The following SGCZ variants were observed in gnomAD, a reference collection of about 807,000 sequenced individuals.
SGCZ encodes the protein zeta-sarcoglycan.
SGCZ carries 40 observed loss-of-function variants against 41.3 expected under a neutral mutation model. The ratio of observed to expected loss-of-function variants is 0.97; its 90% CI spans 0.75 to 1.26. SGCZ has a LOEUF of 1.26. Ranked by LOEUF, SGCZ falls within the 50% of genes most tolerant of loss-of-function variation. SGCZ has a pLI of 0.00. For missense variants in SGCZ, 552 were observed against 369.8 expected (o/e 1.49, Z -4.04); for synonymous variants, 206 against 137.5 (o/e 1.50, Z -3.49).
At chr8:14,517,422 T>G (rs1802655080) in intron 2 of SGCZ, among the ~76,000 whole-genome samples, 1 of 152,086 alleles carries the variant, frequency 6.6e-6, no homozygotes, top group African/African-American at 2.4e-5. Flanking sequence ...CATAATAATT[T>G]AAGTCCATAT....
intron 1 of SGCZ, among the ~76,000 whole-genome samples, chr8:15,220,905 T>C (rs1358792437): frequency 1.3e-5 from 2 of 151,918 alleles, no homozygotes; most frequent in African/African-American, 4.8e-5. Flanking sequence ...GAGCAAACTA[T>C]CACAAGTACA....
chr8:14,478,023 G>A (rs960686440), intron 2 of SGCZ, among the ~76,000 whole-genome samples: 1 of 152,210 alleles, frequency 6.6e-6, no homozygotes, highest in African/African-American at 2.4e-5. Flanking sequence ...GAAGGAACCT[G>A]ATGAATATGA....
chr8:14,482,299 C>T (rs1385990030), intron 2 of SGCZ, among the ~76,000 whole-genome samples: 2 of 152,170 alleles, frequency 1.3e-5, no homozygotes, highest in Non-Finnish European at 2.9e-5. Context: ...GCAACACTTT[C>T]TACCTTTTAC....
intron 2 of SGCZ, among the ~76,000 whole-genome samples, chr8:14,468,590 A>C (rs946568662): frequency 1.3e-5 from 2 of 152,078 alleles, no homozygotes; most frequent in Non-Finnish European, 2.9e-5. Context: ...TAATTGACTT[A>C]ACGTATTTAA....
At chr8:14,782,729 A>G (rs1800628852) in intron 1 of SGCZ, among the ~76,000 whole-genome samples, 1 of 150,778 alleles carries the variant, frequency 6.6e-6, no homozygotes, top group African/African-American at 2.4e-5. Flanking sequence ...ACAAACAAGG[A>G]ACCTTATACT....
intron 3 of SGCZ, among the ~76,000 whole-genome samples, chr8:14,303,131 T>C (rs531236192): frequency 6.6e-6 from 1 of 152,206 alleles, no homozygotes; most frequent in African/African-American, 2.4e-5. Flanking sequence ...ATGTCATAAA[T>C]ATAAAAGAAA....
intron 2 of SGCZ, among the ~76,000 whole-genome samples, chr8:14,511,087 T>C (rs918036934): frequency 7.9e-5 from 12 of 152,000 alleles, no homozygotes; most frequent in Admixed American, 7.9e-4. Flanking sequence ...GAATTTAGGA[T>C]GAATTATGTG....
chr8:15,108,303 T>C, intron 1 of SGCZ, among the ~76,000 whole-genome samples: 1 of 152,172 alleles, frequency 6.6e-6, no homozygotes, highest in Non-Finnish European at 1.5e-5. Flanking sequence ...CAGAAAGTGA[T>C]TAAATTTTTA....
intron 2 of SGCZ, among the ~76,000 whole-genome samples, chr8:14,551,056 C>G (rs2614936): frequency 0.68 from 102,120 of 151,002 alleles, 35,456 homozygotes; most frequent in Non-Finnish European, 0.76. Context: ...CTCTTTAACT[C>G]ACAGCATTAA....
intron 1 of SGCZ, among the ~76,000 whole-genome samples, chr8:15,173,141 C>G (rs1041155530): frequency 6.6e-6 from 1 of 152,214 alleles, no homozygotes; most frequent in Non-Finnish European, 1.5e-5. Context: ...AGGCTTGCCA[C>G]TGTAAGCCTG....
At chr8:14,427,050 GAAT>G in intron 2 of SGCZ, among the ~76,000 whole-genome samples, 1 of 143,180 alleles carries the variant, frequency 7.0e-6, no homozygotes, top group African/African-American at 2.5e-5. Flanking sequence ...ATGAATGAAT[GAAT>G]GAATGAATGA....
intron 1 of SGCZ, among the ~76,000 whole-genome samples, chr8:15,193,497 T>C (rs752451562): frequency 3.9e-5 from 6 of 152,034 alleles, no homozygotes; most frequent in Non-Finnish European, 8.8e-5. Flanking sequence ...CAAATGGTAC[T>C]TTGGAGATGA....
At chr8:14,853,774 A>T (rs1447452374) in intron 1 of SGCZ, among the ~76,000 whole-genome samples, 3 of 151,908 alleles carry the variant, frequency 2.0e-5, no homozygotes, top group African/African-American at 7.3e-5. Context: ...AGAAAAATAA[A>T]CAAGGCTTTT....
At chr8:14,914,866 A>C (rs75198855) in intron 1 of SGCZ, among the ~76,000 whole-genome samples, 4,033 of 152,260 alleles carry the variant, frequency 0.026, 72 homozygotes, top group Non-Finnish European at 0.043. Context: ...ACGATGTAGA[A>C]GAGTTTGCTC....
At chr8:14,310,973 G>A (rs1304892385) in intron 3 of SGCZ, among the ~76,000 whole-genome samples, 1 of 151,984 alleles carries the variant, frequency 6.6e-6, no homozygotes, top group Admixed American at 6.6e-5. Context: ...CACACTTAAG[G>A]GTATGCTTTT....
chr8:14,552,912 T>A (rs565961948), intron 2 of SGCZ, among the ~76,000 whole-genome samples: 3 of 152,212 alleles, frequency 2.0e-5, no homozygotes, highest in Middle Eastern at 3.4e-3. Flanking sequence ...GTGAGAGAGC[T>A]TGTCGCATCA....
At chr8:15,002,218 T>C (rs1056679153) in intron 1 of SGCZ, among the ~76,000 whole-genome samples, 1 of 146,738 alleles carries the variant, frequency 6.8e-6, no homozygotes, top group Non-Finnish European at 1.5e-5. Context: ...AAAAAAGCCA[T>C]CAATAATAAG....
At chr8:15,075,334 T>A (rs992085789) in intron 1 of SGCZ, among the ~76,000 whole-genome samples, 1 of 152,198 alleles carries the variant, frequency 6.6e-6, no homozygotes, top group African/African-American at 2.4e-5. Flanking sequence ...ATAGAATACA[T>A]TTAAATTCCC....
chr8:14,525,625 CCT>C (rs1332131348), intron 2 of SGCZ, among the ~76,000 whole-genome samples: 3 of 151,918 alleles, frequency 2.0e-5, no homozygotes, highest in Non-Finnish European at 4.4e-5. Flanking sequence ...TACTTCTTGA[CCT>C]AGTCACATCA....
Sources: gnomAD v4.1 joint callset for allele counts (sites outside exome capture counted in the v4.1 genomes callset) on GRCh38, gnomAD v4.1.1 for gene constraint, MANE v1.5 for transcripts, NCBI Gene and HGNC (gene_info 2026-07-23, HGNC 2026-07-21) for gene names.